IGF2BP1: variants seen among roughly 807,000 people sequenced by gnomAD.
IGF2BP1 encodes the protein insulin-like growth factor 2 mRNA-binding protein 1.
A neutral mutation model predicts 74.9 loss-of-function variants in IGF2BP1; 11 were observed. The observed-to-expected ratio is 0.15, with a 90% CI of 0.09 to 0.24. The LOEUF (loss-of-function observed/expected upper bound fraction) is 0.24. Ranked by LOEUF, IGF2BP1 falls within the 10% of genes least tolerant of loss-of-function variation. IGF2BP1 has a pLI of 1.00. For missense variants in IGF2BP1, 440 were observed against 757.4 expected, an observed-to-expected ratio of 0.58 and a Z score of 4.92; for synonymous variants, 287 against 281.8, an observed-to-expected ratio of 1.02 and a Z score of -0.18.
chr17:49,046,606 A>G (rs528153298), intron 14 of IGF2BP1, among the ~76,000 whole-genome samples: 1 of 150,852 alleles, frequency 6.6e-6, no homozygotes, highest in East Asian at 1.9e-4. Flanking sequence ...TTTAATGTAC[A>G]TATATTGTGT....
rs369153046 is a variant in IGF2BP1 at position 49,025,313 on chromosome 17, AGTGTGTGTGT to A, written c.237-270_237-261del. On this transcript the variant is annotated intron_variant, in intron 2 of 14. Transcript: ENST00000290341. ...AATGAGAAAGTGGTGGGACAAACAA[AGTGTGTGTGT>A]GTGTGTGTGTGTGTGTGTGTGTGTG... is the stretch of plus-strand genomic sequence containing the variant. 3.4e-3 allele frequency among the ~76,000 whole-genome samples: 456 copies of A among 133,644 alleles called. 1 individual carries two copies. The highest frequency in any genetic ancestry group is 3.5e-3 in the Admixed American group (46 of 13,252). 87.7% of individuals were successfully genotyped at this position (133,644 alleles called of 152,430 possible).
intron 2 of IGF2BP1, 109 bp downstream of exon 2, chr17:48,999,278 T>A: frequency 1.4e-6 from 1 of 696,852 alleles, no homozygotes; most frequent in Non-Finnish European, 2.5e-6. Context: ...TTACTGGTCT[T>A]TCCCACCCCC....
At position 49,007,954 on chromosome 17, in the gene IGF2BP1, C is replaced by G. The variant is rs142307680; in HGVS notation, c.236+8785C>G. Among the ~76,000 whole-genome samples the G allele has an allele frequency of 2.7e-3, 407 of 152,064 alleles. 2 individuals are homozygous for G. The highest frequency in any genetic ancestry group is 7.9e-3 in the Admixed American group (120 of 15,278). On this transcript the variant is annotated intron_variant, in intron 2 of 14. Coordinates refer to ENST00000290341, the MANE Select transcript of IGF2BP1 (RefSeq NM_006546.4). ...TGGGAGGTTGAAGTGGGTGGATCAC[C>G]TGAGATCAGGAGTTTGAGACCAGCC...
At chr17:49,017,379 C>T (rs1410539896) in intron 2 of IGF2BP1, among the ~76,000 whole-genome samples, 1 of 151,990 alleles carries the variant, frequency 6.6e-6, no homozygotes, top group Non-Finnish European at 1.5e-5. Flanking sequence ...GCACAGTGCC[C>T]AGCACTGTCC....
chr17:49,022,700 T>G (rs1382914787), intron 2 of IGF2BP1, among the ~76,000 whole-genome samples: 1 of 152,160 alleles, frequency 6.6e-6, no homozygotes, highest in African/African-American at 2.4e-5. Flanking sequence ...AGAGATTTGA[T>G]TTCACCACTG....
chr17:49,034,022 G>A (rs890216092), intron 5 of IGF2BP1, among the ~76,000 whole-genome samples: 3 of 150,288 alleles, frequency 2.0e-5, no homozygotes, highest in Non-Finnish European at 4.4e-5. Flanking sequence ...TGGGAGTCTC[G>A]CTATGTTGCC....
At chr17:49,036,555 TAGAAGA>T (rs2041991230) in intron 5 of IGF2BP1, 1 of 152,206 alleles carries the variant, frequency 6.6e-6, no homozygotes, top group Non-Finnish European at 1.5e-5. Context: ...AGCAGCTCAT[TAGAAGA>T]ATTCCTCAAT....
rs200932530 is a variant in IGF2BP1, at chr17:49,026,635, GCCTT to G, written c.337+126_337+129del. The stretch of plus-strand genomic sequence containing the variant: ...TCCCTTCCTTCCTTCCTTCCTTCCT[GCCTT>G]CCTTCCTGCCTGCCTTCCTGCCTTC... On this transcript the variant is annotated intron_variant, in intron 4 of 14. Transcript: ENST00000290341. 196 of 417,876 alleles carry G rather than the reference GCCTT, an allele frequency of 4.7e-4. 1 individual carries two copies. In the African/African-American group the frequency reaches 5.3e-3, roughly 11 times the overall value. The allele number at this position is 417,876 out of a possible 1,614,324, so 25.9% of individuals were successfully genotyped here. A position where few individuals can be genotyped will look rare whatever the true frequency, so the allele number is the denominator to read the frequency against.
intron 5 of IGF2BP1, among the ~76,000 whole-genome samples, chr17:49,034,666 G>A (rs1334011397): frequency 6.6e-6 from 1 of 151,418 alleles, no homozygotes; most frequent in East Asian, 1.9e-4. Flanking sequence ...TGGAGGTGGA[G>A]GTGGAGGTTG....
Position 49,043,430 on chromosome 17 carries a change from G to T in IGF2BP1, c.1080G>T (p.Leu360=). Residue 360 remains leucine, a splice_region_variant and synonymous_variant, in exon 10 of 15, where the codon CTG becomes CTT. Coordinates refer to ENST00000290341, the MANE Select transcript of IGF2BP1 (RefSeq NM_006546.4). Reference sequence around the variant, plus strand: ...TCCTCCTCATCTTTCTTCCCCAGCTGCAGTCTCACCTGATCCCTGGCCTGA... The same window carrying T: ...TCCTCCTCATCTTTCTTCCCCAGCTTCAGTCTCACCTGATCCCTGGCCTGA... The part of the protein sequence containing the change: ...AYENDVAAMS[L]QSHLIPGLNL... The T allele has an allele frequency of 6.2e-7, 1 of 1,613,790 alleles. No individual in the cohort carries two copies. The highest frequency in any genetic ancestry group is 8.5e-7 in the Non-Finnish European group (1 of 1,179,940).
intron 14 of IGF2BP1, among the ~76,000 whole-genome samples, chr17:49,048,667 G>A (rs968016150): frequency 3.3e-5 from 5 of 152,056 alleles, no homozygotes; most frequent in African/African-American, 4.8e-5. Context: ...CCCGGGCCAC[G>A]GACTGGTACC....
chr17:49,013,091 T>A (rs981008301), intron 2 of IGF2BP1: 1 of 152,192 alleles, frequency 6.6e-6, no homozygotes, highest in African/African-American at 2.4e-5. Flanking sequence ...ACTCAGCCTC[T>A]TGTGGTGGTT....
At chr17:49,010,270 TA>T (rs1269503966) in intron 2 of IGF2BP1, among the ~76,000 whole-genome samples, 1 of 151,872 alleles carries the variant, frequency 6.6e-6, no homozygotes, top group Non-Finnish European at 1.5e-5. Context: ...AATGGCCATT[TA>T]AAAACTATTG....
At chr17:49,029,890 T>C (rs1012286238) in intron 4 of IGF2BP1, among the ~76,000 whole-genome samples, 3 of 151,384 alleles carry the variant, frequency 2.0e-5, no homozygotes, top group Non-Finnish European at 4.4e-5. Flanking sequence ...GAAGTGATTC[T>C]CCCACCTCAG....
intron 14 of IGF2BP1, among the ~76,000 whole-genome samples, chr17:49,046,698 C>A (rs1425251916): frequency 6.6e-6 from 1 of 151,142 alleles, no homozygotes; most frequent in South Asian, 2.1e-4. Flanking sequence ...GTTAGTCCCT[C>A]CCTAACCCCT....
chr17:49,029,794 ATTT>A (rs34684271), intron 4 of IGF2BP1, among the ~76,000 whole-genome samples: 1 of 134,384 alleles, frequency 7.4e-6, no homozygotes, highest in African/African-American at 2.7e-5. Context: ...CACCCGGCTG[ATTT>A]TTTTTTTTTT....
Position 48,999,103 on chromosome 17 carries a change from C to A in IGF2BP1, c.176-6C>A, listed in dbSNP as rs1466756449. The A allele has an allele frequency of 7.2e-6, 10 of 1,394,166 alleles. No homozygotes were observed. The highest frequency in any genetic ancestry group is 1.9e-5 in the Admixed American group (1 of 52,082). 86.4% of individuals were successfully genotyped at this position (1,394,166 alleles called of 1,614,324 possible). A position where few individuals can be genotyped will look rare whatever the true frequency, so the allele number is the denominator to read the frequency against. On this transcript the variant is annotated splice_region_variant and splice_polypyrimidine_tract_variant and intron_variant, in intron 1 of 14. Transcript: ENST00000290341. ...CTCATGGTAATTTTTTTTTTTTAATCTTTAGGGAAAGTAGAATTACAAGGA... is the reference window on the plus strand; with the variant it reads ...CTCATGGTAATTTTTTTTTTTTAATATTTAGGGAAAGTAGAATTACAAGGA...
intron 8 of IGF2BP1, 150 bp downstream of exon 8, chr17:49,041,650 T>A: frequency 9.0e-7 from 1 of 1,106,078 alleles, no homozygotes; most frequent in Non-Finnish European, 1.3e-6. Context: ...TAAAGAGCAT[T>A]TAAAAAATCC....
In IGF2BP1 at chr17:49,045,882, C is replaced by T. The variant is rs1369919828; in HGVS notation, c.1396-8C>T. 6.2e-7 allele frequency: 1 copy of T among 1,613,138 alleles called. No homozygotes were observed. Among genetic ancestry groups the T allele is most frequent in the Non-Finnish European group, 8.5e-7 (1 of 1,179,538 alleles). On this transcript the variant is annotated splice_polypyrimidine_tract_variant and splice_region_variant and intron_variant, in intron 12 of 14. Coordinates refer to ENST00000290341, the MANE Select transcript of IGF2BP1 (RefSeq NM_006546.4). ...AACCACTGATTAACAATTACCTCCT[C>T]TTCTCAGGCTCAGGGAAGAATCTAT...
Sources: gnomAD v4.1 joint callset for allele counts (sites outside exome capture counted in the v4.1 genomes callset) on GRCh38, gnomAD v4.1.1 for gene constraint, MANE v1.5 for transcripts, NCBI Gene and HGNC (gene_info 2026-07-23, HGNC 2026-07-21) for gene names.